The following CDK5RAP3 variants were observed in gnomAD, a reference collection of about 807,000 sequenced individuals.
CDK5RAP3 encodes CDK5 regulatory subunit-associated protein 3.
Under a neutral mutation model 73.3 loss-of-function variants are expected in CDK5RAP3, and 58 were observed. The ratio of observed to expected loss-of-function variants is 0.79; its 90% CI spans 0.64 to 0.98. The LOEUF (loss-of-function observed/expected upper bound fraction) is 0.98. CDK5RAP3 is among the 50% of genes least tolerant of loss of function. The pLI, the probability that CDK5RAP3 is intolerant of heterozygous loss-of-function variation, is 0.00. For missense variants in CDK5RAP3, 525 were observed against 615.8 expected, an observed-to-expected ratio of 0.85 and a Z score of 1.56; for synonymous variants, 224 against 247.5, an observed-to-expected ratio of 0.91 and a Z score of 0.89.
rs375840288 is a variant in CDK5RAP3 at position 47,981,438 on chromosome 17, T to C, written c.1457T>C (p.Ile486Thr). 9.9e-6 allele frequency: 16 copies of C among 1,614,238 alleles called. No individual in the cohort carries two copies. The highest frequency in any genetic ancestry group is 1.4e-5 in the Non-Finnish European group (16 of 1,180,040). ...GCCCACTTGGTATCACTCTTTCAGA[T>C]TGAAGCTGACATCTCCAAGAGGTAC... ...LEKTKELQKL[I>T]EADISKRYSG... Residue 486 changes from isoleucine (I) to threonine (T), a missense_variant and splice_region_variant, in exon 14 of 14, where the codon ATT becomes ACT. Physicochemically the swap from Ile to Thr is moderately conservative, Grantham distance 89 (BLOSUM62 -1). Around this residue, in one of 2 missense-constraint regions of CDK5RAP3, gnomAD observed 116 missense variants for 186.1 expected, o/e 0.62. Transcript: ENST00000338399.
intron 9 of CDK5RAP3, 97 bp from the exon 10 acceptor site, chr17:47,977,735 T>C: frequency 1.1e-6 from 1 of 944,424 alleles, no homozygotes; most frequent in Non-Finnish European, 1.6e-6. Flanking sequence ...AGTTGGAATG[T>C]GCAGCCATTG....
chr17:47,978,619 GTCC>G, intron 10 of CDK5RAP3: 2 of 560,236 alleles, frequency 3.6e-6, no homozygotes, highest in Non-Finnish European at 6.4e-6. Flanking sequence ...CCCAGCTCTG[GTCC>G]TCCTCTCAGT....
intron 2 of CDK5RAP3, among the ~76,000 whole-genome samples, chr17:47,972,427 A>G (rs542248648): frequency 6.6e-6 from 1 of 152,362 alleles, no homozygotes; most frequent in Non-Finnish European, 1.5e-5. Context: ...TTACAGGAAT[A>G]TAGCAGAGAG....
rs76243241 is a variant in CDK5RAP3, at chr17:47,973,586, G to A, written c.120G>A (p.Lys40=). Residue 40 remains lysine, a synonymous_variant, in exon 3 of 14, where the codon AAG becomes AAA. Transcript: ENST00000338399. ...GTCTGGTGCTGACGATCCGCGAGAA[G>A]ATCAATGCTGCCATCCAGGACATGC... ...WQSLVLTIRE[K]INAAIQDMPE... is the part of the protein sequence containing the mutation. 754 of 1,614,186 alleles carry A rather than the reference G, an allele frequency of 4.7e-4. 4 individuals are homozygous for A. In the African/African-American group the frequency reaches 9.3e-3, roughly 20 times the overall value.
At chr17:47,968,324 A>G (rs1215186206), upstream of CDK5RAP3, among the ~76,000 whole-genome samples, 13 of 152,104 alleles carry the variant, frequency 8.5e-5, no homozygotes, top group East Asian at 2.1e-3. Flanking sequence ...TGACATATAT[A>G]TATATTTTGA....
intron 5 of CDK5RAP3, chr17:47,974,902 A>G: frequency 1.5e-6 from 2 of 1,378,104 alleles, no homozygotes; most frequent in South Asian, 3.0e-5. Context: ...AGCATCTACT[A>G]AATGCAAGGA....
rs767979952 is a variant in CDK5RAP3 at position 47,974,380 on chromosome 17, GTT to G, written c.286-16_286-15del. The G allele has an allele frequency of 6.7e-5, 107 of 1,608,092 alleles. No homozygotes were observed. The highest frequency in any genetic ancestry group is 1.7e-4 in the Middle Eastern group (1 of 6,050). Reference sequence around the variant, plus strand: ...TCGAGTGCTTTTCTGGCTTAACATTGTTTTTCTGTTCTTACTCAGGATTGGCA... The same window carrying G: ...TCGAGTGCTTTTCTGGCTTAACATTGTTTCTGTTCTTACTCAGGATTGGCA... On this transcript the variant is annotated intron_variant, in intron 4 of 13. Transcript: ENST00000338399.
intron 13 of CDK5RAP3, 24 bp from the exon 14 acceptor site, chr17:47,981,413 G>A: frequency 3.1e-6 from 5 of 1,614,236 alleles, no homozygotes; most frequent in Non-Finnish European, 4.2e-6. Flanking sequence ...CCCTGCTTCT[G>A]CCCACTTGGT....
chr17:47,972,782 T>C lies in CDK5RAP3; in HGVS notation c.53-737T>C, dbSNP rs751446554. Among the ~76,000 whole-genome samples, 96 of 152,212 alleles carry C rather than the reference T, an allele frequency of 6.3e-4. 1 individual carries two copies. The highest frequency in any genetic ancestry group is 1.2e-3 in the Non-Finnish European group (84 of 68,038). On this transcript the variant is annotated intron_variant, in intron 2 of 13. Coordinates refer to ENST00000338399, the MANE Select transcript of CDK5RAP3 (RefSeq NM_176096.3). Reference sequence around the variant, plus strand: ...CACACTGTTCAGTGTTTTACCTGCATTCCCTTTTCTAGTCAGTGTCTTATT... The same window carrying C: ...CACACTGTTCAGTGTTTTACCTGCACTCCCTTTTCTAGTCAGTGTCTTATT...
chr17:47,980,555 T>C (rs1468689484), intron 11 of CDK5RAP3, 38 bp from the exon 12 acceptor site: 25 of 1,592,812 alleles, frequency 1.6e-5, no homozygotes, highest in Non-Finnish European at 2.0e-5. Context: ...GTGTGAGCCA[T>C]CATGTACAGC....
rs776381442 is a variant in CDK5RAP3, at chr17:47,981,745, G to A, written c.*243G>A. ...AGATTCTCCTTCTAGTTAGTATAGC[G>A]GACTTAATAAAAGAGGAAAAAACTC... On this transcript the variant is annotated 3_prime_UTR_variant, in exon 14 of 14. Coordinates refer to ENST00000338399, the MANE Select transcript of CDK5RAP3 (RefSeq NM_176096.3). The A allele has an allele frequency of 2.6e-5, 39 of 1,504,124 alleles. 1 individual carries two copies. The Admixed American group carries it at 4.0e-4, about 15-fold the overall frequency. The allele number at this position is 1,504,124 out of a possible 1,614,324, so 93.2% of individuals were successfully genotyped here.
chr17:47,980,541 G>A (rs991001977), intron 11 of CDK5RAP3, 52 bp from the exon 12 acceptor site: 95 of 1,544,816 alleles, frequency 6.1e-5, no homozygotes, highest in Non-Finnish European at 8.1e-5. Context: ...TGCTGGAATT[G>A]CAAGTGTGAG....
chr17:47,977,567 C>CT (rs1208021691), intron 9 of CDK5RAP3, among the ~76,000 whole-genome samples: 1 of 152,240 alleles, frequency 6.6e-6, no homozygotes, highest in Non-Finnish European at 1.5e-5. Context: ...GCGTGAGCCA[C>CT]TGCGCCCAGC....
At chr17:47,968,796 G>T (rs1051876565), upstream of CDK5RAP3, among the ~76,000 whole-genome samples, 1 of 152,162 alleles carries the variant, frequency 6.6e-6, no homozygotes, top group African/African-American at 2.4e-5. Flanking sequence ...GATTACAGGC[G>T]TGAGCCACCG....
Position 47,977,835 on chromosome 17 carries a change from C to T in CDK5RAP3, c.913C>T (p.Pro305Ser). The T allele has an allele frequency of 6.2e-7, 1 of 1,613,538 alleles. No individual in the cohort carries two copies. The highest frequency in any genetic ancestry group is 8.5e-7 in the Non-Finnish European group (1 of 1,179,746). ...TGGTTCTTTGCTCTCCTTCCAGGAT[C>T]CTGGAGGTGATGGGATAGACTGGGG... ...GIFPESDSKDPGGDGIDWGDD... is the reference protein window; with the variant it reads ...GIFPESDSKDSGGDGIDWGDD... The change falls in exon 10 of 14, where the codon CCT becomes TCT. Residue 305 changes from proline (P) to serine (S), a missense_variant. Pro to Ser is a moderately conservative substitution (Grantham distance 74). Transcript: ENST00000338399.
chr17:47,969,658 C>T, upstream of CDK5RAP3, among the ~76,000 whole-genome samples: 1 of 151,814 alleles, frequency 6.6e-6, no homozygotes, highest in Non-Finnish European at 1.5e-5. Context: ...ACTCTACCCA[C>T]TTCTTGGCCA....
At chr17:47,973,116 A>G (rs1055323053) in intron 2 of CDK5RAP3, among the ~76,000 whole-genome samples, 2 of 152,136 alleles carry the variant, frequency 1.3e-5, no homozygotes, top group Admixed American at 6.5e-5. Flanking sequence ...ACCATCTTGT[A>G]TTTTCCATTG....
intron 10 of CDK5RAP3, 152 bp downstream of exon 10, chr17:47,978,062 A>C: frequency 2.1e-6 from 1 of 472,238 alleles, no homozygotes; most frequent in Non-Finnish European, 3.7e-6. Flanking sequence ...GAGGGGGACC[A>C]AGAGAGGTTT....
At chr17:47,980,884 A>G (rs1598232283) in intron 12 of CDK5RAP3, 86 bp downstream of exon 12, 2 of 1,371,254 alleles carry the variant, frequency 1.5e-6, no homozygotes, top group Non-Finnish European at 2.1e-6. Context: ...GACCCCTTAA[A>G]CCCCATCCCT....
Sources: allele counts gnomAD v4.1 joint callset (sites outside exome capture counted in the v4.1 genomes callset), GRCh38; gene constraint gnomAD v4.1.1; regional missense constraint gnomAD v4.1.1; transcripts MANE v1.5; gene names NCBI Gene and HGNC (gene_info 2026-07-23, HGNC 2026-07-21).